Variants in TCF4 observed in about 807,000 individuals in gnomAD.
The protein encoded by TCF4 is SL3-3 enhancer factor 2.
Under a neutral mutation model 82.1 loss-of-function variants are expected in TCF4, and 3 were observed. That is an observed-to-expected ratio of 0.04 (90% CI 0.02 to 0.09). The LOEUF is 0.09. Among genes scored for constraint, TCF4 ranks in the 10% least tolerant of loss-of-function variants. The probability of loss-of-function intolerance (pLI) is 1.00; values close to 1 mark genes in which losing one functional copy is unlikely to be tolerated. For synonymous variants in TCF4, 276 were observed against 309.6 expected (o/e 0.89, Z 1.14); for missense variants, 518 against 852.7 (o/e 0.61, Z 4.89).
chr18:55,626,432 T>C (rs2097726581), intron 2 of TCF4, among the ~76,000 whole-genome samples: 1 of 152,214 alleles, frequency 6.6e-6, no homozygotes, highest in African/African-American at 2.4e-5. Flanking sequence ...GTGAAGTAGT[T>C]AGAGCTGTTA....
intron 8 of TCF4, among the ~76,000 whole-genome samples, chr18:55,342,208 C>T (rs1281359045): frequency 6.6e-6 from 1 of 152,124 alleles, no homozygotes; most frequent in Non-Finnish European, 1.5e-5. Context: ...AATGAAATAG[C>T]ATTTATTTGT....
intron 3 of TCF4, among the ~76,000 whole-genome samples, chr18:55,574,824 G>A (rs2097512555): frequency 6.6e-6 from 1 of 151,306 alleles, no homozygotes; most frequent in African/African-American, 2.4e-5. Context: ...ATGAATGAAT[G>A]AATGAGTGGA....
chr18:55,236,595 AT>A (rs1222382316), intron 15 of TCF4, among the ~76,000 whole-genome samples: 1 of 151,928 alleles, frequency 6.6e-6, no homozygotes, highest in African/African-American at 2.4e-5. Context: ...ATATATTTTA[AT>A]TTTTATTCAG....
intron 5 of TCF4, among the ~76,000 whole-genome samples, chr18:55,449,763 T>C (rs1490134102): frequency 6.6e-6 from 1 of 152,230 alleles, no homozygotes; most frequent in Non-Finnish European, 1.5e-5. Flanking sequence ...TCTCCTTTTC[T>C]CTTATCCTTC....
intron 8 of TCF4, among the ~76,000 whole-genome samples, chr18:55,330,170 T>G (rs1271423730): frequency 6.8e-6 from 1 of 147,976 alleles, no homozygotes; most frequent in Non-Finnish European, 1.5e-5. Context: ...TTGCCAGCAA[T>G]GTTGGATTTT....
At chr18:55,570,545 T>C (rs557695365) in intron 3 of TCF4, among the ~76,000 whole-genome samples, 11 of 152,170 alleles carry the variant, frequency 7.2e-5, no homozygotes, top group Non-Finnish European at 1.6e-4. Context: ...GAAATAAATA[T>C]ATACAAAGTT....
chr18:55,439,722 T>C (rs139461413), intron 5 of TCF4, among the ~76,000 whole-genome samples: 2 of 152,208 alleles, frequency 1.3e-5, no homozygotes, highest in South Asian at 2.1e-4. Context: ...TAAACGATCA[T>C]TTTTCTTTTT....
intron 2 of TCF4, among the ~76,000 whole-genome samples, chr18:55,627,836 G>A (rs1409531234): frequency 3.9e-5 from 6 of 152,002 alleles, no homozygotes; most frequent in African/African-American, 1.4e-4. Context: ...CGAGGCGGGC[G>A]GATCACGAGG....
chr18:55,631,643 T>C (rs1045288907), intron 1 of TCF4, among the ~76,000 whole-genome samples: 5 of 152,134 alleles, frequency 3.3e-5, no homozygotes, highest in African/African-American at 9.7e-5. Context: ...AATTGACGCA[T>C]GTCAAAAACA....
intron 8 of TCF4, among the ~76,000 whole-genome samples, chr18:55,281,516 A>C (rs184150954): frequency 1.3e-5 from 2 of 152,130 alleles, no homozygotes; most frequent in Admixed American, 1.3e-4. Context: ...AAATTTCAGA[A>C]ATCAATATAT....
intron 3 of TCF4, among the ~76,000 whole-genome samples, chr18:55,494,157 G>GACACACAC (rs3138626): frequency 4.1e-4 from 60 of 147,734 alleles, no homozygotes; most frequent in African/African-American, 1.1e-3. Context: ...AAATATTATG[G>GACACACAC]ACACACACAC....
chr18:55,510,496 A>C, intron 3 of TCF4: 1 of 1,066,814 alleles, frequency 9.4e-7, no homozygotes, highest in South Asian at 2.0e-5. Flanking sequence ...CAGCAATTCA[A>C]ACTTCTAAGG....
At chr18:55,240,462 T>C (rs1364543839) in intron 15 of TCF4, among the ~76,000 whole-genome samples, 1 of 152,258 alleles carries the variant, frequency 6.6e-6, no homozygotes, top group Non-Finnish European at 1.5e-5. Flanking sequence ...GCCAGACCTC[T>C]GTCATATTAG....
intron 3 of TCF4, among the ~76,000 whole-genome samples, chr18:55,508,332 G>A (rs918746664): frequency 5.7e-4 from 86 of 152,080 alleles, no homozygotes; most frequent in African/African-American, 2.0e-3. Flanking sequence ...ATTTTCCTCC[G>A]TTATAGCAAT....
At chr18:55,606,433 C>T (rs1425124327) in intron 2 of TCF4, among the ~76,000 whole-genome samples, 1 of 152,108 alleles carries the variant, frequency 6.6e-6, no homozygotes, top group African/African-American at 2.4e-5. Flanking sequence ...AGCCCAGAAC[C>T]ATAACTCAAA....
In TCF4 at chr18:55,588,086, G is replaced by C. The variant is rs1268359242; in HGVS notation, c.-69C>G. 1 of 1,000,054 alleles carries C rather than the reference G, an allele frequency of 1.0e-6. No homozygotes were observed. Among genetic ancestry groups the C allele is most frequent in the East Asian group, 1.0e-4 (1 of 9,688 alleles). The allele number at this position is 1,000,054 out of a possible 1,614,324, so 61.9% of individuals were successfully genotyped here. A position where few individuals can be genotyped will look rare whatever the true frequency, so the allele number is the denominator to read the frequency against. Reference sequence around the variant, plus strand: ...TCCGTGCACCGCCGGCGCCGAGGCGGCGTTCATGTCTAACCGCCGCCGCCA... The same window carrying C: ...TCCGTGCACCGCCGGCGCCGAGGCGCCGTTCATGTCTAACCGCCGCCGCCA... On this transcript the variant is annotated 5_prime_UTR_variant, in exon 1 of 20. Transcript: ENST00000354452.
intron 5 of TCF4, among the ~76,000 whole-genome samples, chr18:55,455,198 A>AG (rs2095715851): frequency 6.7e-6 from 1 of 149,564 alleles, no homozygotes; most frequent in Non-Finnish European, 1.5e-5. Context: ...AAAAAAAAAA[A>AG]AAAAAGAAAA....
intron 3 of TCF4, among the ~76,000 whole-genome samples, chr18:55,508,443 T>C (rs1336994016): frequency 2.0e-5 from 3 of 152,224 alleles, no homozygotes; most frequent in Non-Finnish European, 4.4e-5. Context: ...AACTGCTCCA[T>C]TATATTTCTC....
At chr18:55,498,569 G>A (rs375006011) in intron 3 of TCF4, among the ~76,000 whole-genome samples, 15 of 152,096 alleles carry the variant, frequency 9.9e-5, no homozygotes, top group African/African-American at 2.7e-4. Context: ...CATAAGATAC[G>A]GAAAAATCAA....
Sources: gnomAD v4.1 joint callset for allele counts (sites outside exome capture counted in the v4.1 genomes callset) on GRCh38, gnomAD v4.1.1 for gene constraint, MANE v1.5 for transcripts, NCBI Gene and HGNC (gene_info 2026-07-23, HGNC 2026-07-21) for gene names.